ATAD2B: variants seen among roughly 807,000 people sequenced by gnomAD.
The protein encoded by ATAD2B is ATPase family AAA domain containing 2B.
ATAD2B carries 40 observed loss-of-function variants against 167.6 expected under a neutral mutation model. The ratio of observed to expected loss-of-function variants is 0.24; its 90% CI spans 0.19 to 0.31. The LOEUF (loss-of-function observed/expected upper bound fraction) is 0.31, where lower values mean the gene tolerates loss of function less well. Among genes scored for constraint, ATAD2B ranks in the 10% least tolerant of loss-of-function variants. The pLI, the probability that ATAD2B is intolerant of heterozygous loss-of-function variation, is 1.00. For missense variants in ATAD2B, 1,242 were observed against 1,757.2 expected (o/e 0.71, Z 5.24); for synonymous variants, 579 against 596.5 (o/e 0.97, Z 0.43).
rs1470948342 is a variant in ATAD2B at position 23,797,234 on chromosome 2, G to A, written c.2640+904C>T. Among the ~76,000 whole-genome samples the A allele has an allele frequency of 5.9e-5, 9 of 151,852 alleles. No homozygotes were observed. The East Asian group carries it at 1.2e-3, about 20-fold the overall frequency. ...AACATCATTCCTACTTTGTCTCCTGGGGAAAATATTTCTAAGCATTTCTAA... is the reference window on the plus strand; with the variant it reads ...AACATCATTCCTACTTTGTCTCCTGAGGAAAATATTTCTAAGCATTTCTAA... On this transcript the variant is annotated intron_variant, in intron 19 of 27. Coordinates refer to ENST00000238789, the MANE Select transcript of ATAD2B (RefSeq NM_017552.4).
chr2:23,897,044 C>G (rs1700245880), intron 1 of ATAD2B, among the ~76,000 whole-genome samples: 1 of 152,158 alleles, frequency 6.6e-6, no homozygotes, highest in Non-Finnish European at 1.5e-5. Context: ...GCACAAGAAT[C>G]ACTCAAACCC....
chr2:23,926,777 G>C lies in ATAD2B; in HGVS notation c.-7C>G. On this transcript the variant is annotated 5_prime_UTR_variant, in exon 1 of 28. Transcript: ENST00000238789. The stretch of plus-strand genomic sequence containing the variant: ...TCTTCCGGGTGTTCACCATGGTCCA[G>C]CCAGGGGGACGGAGTCCACGCCGCG... 6.6e-7 allele frequency: 1 copy of C among 1,523,738 alleles called. No homozygotes were observed. The highest frequency in any genetic ancestry group is 8.8e-7 in the Non-Finnish European group (1 of 1,133,658). 94.4% of individuals were successfully genotyped at this position (1,523,738 alleles called of 1,614,324 possible). A position where few individuals can be genotyped will look rare whatever the true frequency, so the allele number is the denominator to read the frequency against.
the ATAD2B span, among the ~76,000 whole-genome samples, chr2:23,685,920 G>C: frequency 6.6e-6 from 1 of 152,232 alleles, no homozygotes; most frequent in Non-Finnish European, 1.5e-5. Context: ...GGACAGAAAG[G>C]GGGCAGGTCA....
chr2:23,873,498 A>G (rs922658380), intron 8 of ATAD2B, among the ~76,000 whole-genome samples: 1 of 152,148 alleles, frequency 6.6e-6, no homozygotes, highest in Non-Finnish European at 1.5e-5. Context: ...CCTCCCACAC[A>G]CTTTTTTTGA....
At chr2:23,853,159 A>T (rs913401994) in intron 13 of ATAD2B, among the ~76,000 whole-genome samples, 11 of 152,214 alleles carry the variant, frequency 7.2e-5, no homozygotes, top group African/African-American at 2.7e-4. Flanking sequence ...TTAAAGTCTC[A>T]ATGTTTTACA....
At chr2:23,736,606 C>T in the ATAD2B span, among the ~76,000 whole-genome samples, 2 of 152,138 alleles carry the variant, frequency 1.3e-5, no homozygotes, top group Non-Finnish European at 2.9e-5. Context: ...TCTACAGCTC[C>T]CAGCGTGAGC....
chr2:23,757,847 G>C lies in ATAD2B; in HGVS notation c.3649C>G (p.Gln1217Glu), dbSNP rs1676132976. The stretch of plus-strand genomic sequence containing the variant: ...GCTCCATTGTTAAGCCTCTGCCCCT[G>C]GTCCAAGTCCATGATGTCACAGGAT... The part of the protein sequence containing the change: ...ESSCDIMDLD[Q>E]GQRLNNGAGT... Residue 1217 changes from glutamine to glutamate, a missense_variant, in exon 25 of 28, where the codon CAG (glutamine) becomes GAG (glutamate). Gln to Glu is a conservative substitution (Grantham distance 29). Transcript: ENST00000238789. 4 of 1,582,908 alleles carry C rather than the reference G, an allele frequency of 2.5e-6. No individual in the cohort carries two copies. Among genetic ancestry groups the C allele is most frequent in the Non-Finnish European group, 3.4e-6 (4 of 1,169,738 alleles).
At chr2:23,898,281 C>G (rs1261974417) in intron 1 of ATAD2B, among the ~76,000 whole-genome samples, 1 of 152,186 alleles carries the variant, frequency 6.6e-6, no homozygotes, top group Non-Finnish European at 1.5e-5. Context: ...ATATTTGCCA[C>G]CTATTGTCTC....
At chr2:23,926,375 C>G (rs544836169) in intron 1 of ATAD2B, among the ~76,000 whole-genome samples, 180 bp downstream of exon 1, 20 of 152,252 alleles carry the variant, frequency 1.3e-4, no homozygotes, top group Non-Finnish European at 2.2e-4. Flanking sequence ...GCTTGAAAAG[C>G]AAAGGGGCCA....
At chr2:23,806,741 A>G (rs1378495625) in intron 18 of ATAD2B, among the ~76,000 whole-genome samples, 1 of 152,202 alleles carries the variant, frequency 6.6e-6, no homozygotes, top group Non-Finnish European at 1.5e-5. Flanking sequence ...AGTAATAAGC[A>G]CGATTATAAC....
At chr2:23,890,471 G>T (rs941138503) in intron 2 of ATAD2B, among the ~76,000 whole-genome samples, 2 of 152,046 alleles carry the variant, frequency 1.3e-5, no homozygotes, top group African/African-American at 4.8e-5. Flanking sequence ...ATGTAATACA[G>T]GTATTCTTAC....
chr2:23,896,034 AGGG>A (rs1700104597), intron 1 of ATAD2B, 64 bp from the exon 2 acceptor site: 1 of 1,396,074 alleles, frequency 7.2e-7, no homozygotes, highest in African/African-American at 1.4e-5. Flanking sequence ...TGTTAATACT[AGGG>A]GCCAGGCAGT....
chr2:23,826,694 T>C (rs575519426), intron 15 of ATAD2B, among the ~76,000 whole-genome samples: 98 of 152,280 alleles, frequency 6.4e-4, no homozygotes, highest in East Asian at 2.3e-3. Context: ...AGTCACTTCA[T>C]TGAGACTCTT....
intron 1 of ATAD2B, among the ~76,000 whole-genome samples, chr2:23,914,635 C>A (rs535131750): frequency 6.6e-6 from 1 of 151,942 alleles, no homozygotes; most frequent in Admixed American, 6.6e-5. Flanking sequence ...GTCAGGAGAT[C>A]GAGACCATCC....
intron 23 of ATAD2B, among the ~76,000 whole-genome samples, chr2:23,764,826 T>C (rs937555875): frequency 2.0e-5 from 3 of 152,204 alleles, no homozygotes; most frequent in African/African-American, 4.8e-5. Context: ...ATGCTATTGT[T>C]TTCTCTGTGT....
At chr2:23,782,841 A>C (rs1572729590) in intron 22 of ATAD2B, 28 bp downstream of exon 22, 1 of 1,573,798 alleles carries the variant, frequency 6.4e-7, no homozygotes, top group African/African-American at 1.4e-5. Flanking sequence ...TTGATTATCA[A>C]GGGGAACCTT....
chr2:23,854,011 C>G (rs769612567), intron 13 of ATAD2B, among the ~76,000 whole-genome samples: 1 of 151,958 alleles, frequency 6.6e-6, no homozygotes, highest in Admixed American at 6.6e-5. Context: ...TTTGGGAGGC[C>G]GAAGCAGGAG....
intron 7 of ATAD2B, among the ~76,000 whole-genome samples, chr2:23,880,278 G>A (rs571205513): frequency 5.9e-5 from 9 of 151,970 alleles, no homozygotes; most frequent in Non-Finnish European, 1.0e-4. Context: ...AGTATATGTA[G>A]TAAAAAAAAA....
At chr2:23,858,973 A>G (rs1012562981) in intron 12 of ATAD2B, among the ~76,000 whole-genome samples, 1 of 152,180 alleles carries the variant, frequency 6.6e-6, no homozygotes, top group African/African-American at 2.4e-5. Context: ...TAATATAATA[A>G]ATCCTAAAAG....
Sources: gnomAD v4.1 joint callset for allele counts (sites outside exome capture counted in the v4.1 genomes callset) on GRCh38, gnomAD v4.1.1 for gene constraint, MANE v1.5 for transcripts, NCBI Gene and HGNC (gene_info 2026-07-23, HGNC 2026-07-21) for gene names.